Variants in ADCY10 observed in about 807,000 individuals in gnomAD.
ADCY10 encodes adenylate cyclase 10, also known as adenylate cyclase type 10.
A neutral mutation model predicts 183.3 loss-of-function variants in ADCY10; 156 were observed. The ratio of observed to expected loss-of-function variants is 0.85; its 90% CI spans 0.75 to 0.97. ADCY10 has a LOEUF of 0.97. Ranked by LOEUF, ADCY10 falls within the 50% of genes least tolerant of loss-of-function variation. The pLI, the probability that ADCY10 is intolerant of heterozygous loss-of-function variation, is 0.00. For synonymous variants in ADCY10, 645 were observed against 670.0 expected, an observed-to-expected ratio of 0.96 and a Z score of 0.58; for missense variants, 1,745 against 1,934.3, an observed-to-expected ratio of 0.90 and a Z score of 1.84.
At chr1:167,862,416 G>A (rs768528596) in intron 14 of ADCY10, among the ~76,000 whole-genome samples, 2 of 152,086 alleles carry the variant, frequency 1.3e-5, no homozygotes, top group African/African-American at 2.4e-5. Flanking sequence ...TTAGGGTGAC[G>A]CTTCTACAAG....
At chr1:167,894,171 G>A (rs1382552672) in intron 7 of ADCY10, among the ~76,000 whole-genome samples, 1 of 152,188 alleles carries the variant, frequency 6.6e-6, no homozygotes, top group African/African-American at 2.4e-5. Context: ...TCAAAACCTT[G>A]TTCAAACTGA....
intron 18 of ADCY10, among the ~76,000 whole-genome samples, chr1:167,852,726 GA>G (rs899711106): frequency 1.7e-4 from 24 of 141,640 alleles, no homozygotes; most frequent in Admixed American, 7.8e-4. Flanking sequence ...CATCCAGAAA[GA>G]AAAAAAAAAT....
chr1:167,891,512 C>T (rs190624786), intron 8 of ADCY10, among the ~76,000 whole-genome samples: 3,998 of 151,602 alleles, frequency 0.026, 160 homozygotes, highest in African/African-American at 0.092. Flanking sequence ...AAAACGTAGC[C>T]GGGCGTGGTG....
chr1:167,825,772 G>A (rs1663243966), intron 26 of ADCY10, among the ~76,000 whole-genome samples: 1 of 152,180 alleles, frequency 6.6e-6, no homozygotes, highest in Non-Finnish European at 1.5e-5. Flanking sequence ...CTGGGTGACT[G>A]AGTGAGACCC....
At chr1:167,896,473 C>A in intron 7 of ADCY10, 122 bp downstream of exon 7, 1 of 812,392 alleles carries the variant, frequency 1.2e-6, no homozygotes, top group Non-Finnish European at 2.2e-6. Context: ...CCTTTGTGTG[C>A]TGGTAAGGAC....
chr1:167,880,281 G>A, intron 10 of ADCY10, 90 bp from the exon 11 acceptor site: 1 of 1,174,904 alleles, frequency 8.5e-7, no homozygotes, highest in South Asian at 1.3e-5. Context: ...TGTCTGGGTT[G>A]GGAAAGGGTG....
rs755550703 is a variant in ADCY10 at position 167,883,557 on chromosome 1, C to T, written c.900G>A (p.Met300Ile). The change falls in exon 9 of 33, where the codon ATG becomes ATA. Residue 300 changes from methionine (M) to isoleucine (I), a missense_variant. Transcript: ENST00000367851. ...RPVTIVFVNL[M>I]FEDQDKAEEI... is the part of the protein sequence containing the mutation. ...CTTCTGCTTTGTCTTGGTCTTCAAACATCAGGTTCACAAACACAATCGTCA... is the reference window on the plus strand; with the variant it reads ...CTTCTGCTTTGTCTTGGTCTTCAAATATCAGGTTCACAAACACAATCGTCA... 6.2e-7 allele frequency: 1 copy of T among 1,614,244 alleles called. No individual in the cohort carries two copies. Among genetic ancestry groups the T allele is most frequent in the South Asian group, 1.1e-5 (1 of 91,090 alleles).
At position 167,838,961 on chromosome 1, in the gene ADCY10, C is replaced by A. The variant is rs1378016582; in HGVS notation, c.3008-1643G>T. ...TTACCCCCTTCCCTATTCAGTCCAT[C>A]AGAAAGTCCCGTTGACCATACCCAA... On this transcript the variant is annotated intron_variant, in intron 21 of 32. Coordinates refer to ENST00000367851, the MANE Select transcript of ADCY10 (RefSeq NM_018417.6). Among the ~76,000 whole-genome samples the A allele has an allele frequency of 3.9e-5, 6 of 152,324 alleles. No individual in the cohort carries two copies. In the East Asian group the frequency reaches 1.2e-3, roughly 29 times the overall value.
Position 167,899,619 on chromosome 1 carries a change from G to A in ADCY10, c.446C>T (p.Ala149Val). 3 of 1,613,796 alleles carry A rather than the reference G, an allele frequency of 1.9e-6. No homozygotes were observed. The highest frequency in any genetic ancestry group is 2.5e-6 in the Non-Finnish European group (3 of 1,180,010). ...AAAGACCAACATGCTGATGTGGCCA[G>A]CAGCCAGTCCTGGCAAGAAGGCAAG... ...LDIRVKIGLA[A>V]GHISMLVFGD... Residue 149 changes from alanine to valine, a missense_variant, in exon 6 of 33, where the codon GCT becomes GTT. Transcript: ENST00000367851.
At chr1:167,895,439 T>G (rs1258390285) in intron 7 of ADCY10, among the ~76,000 whole-genome samples, 1 of 152,124 alleles carries the variant, frequency 6.6e-6, no homozygotes, top group Non-Finnish European at 1.5e-5. Context: ...GTCTTCTATT[T>G]GTAACATCTA....
chr1:167,882,797 C>G (rs965912808), intron 9 of ADCY10, among the ~76,000 whole-genome samples: 1 of 152,172 alleles, frequency 6.6e-6, no homozygotes, highest in Admixed American at 6.5e-5. Flanking sequence ...CTCCCCCTTA[C>G]TAGCTTGATG....
chr1:167,883,236 C>G (rs1667991314), intron 9 of ADCY10, among the ~76,000 whole-genome samples: 1 of 152,210 alleles, frequency 6.6e-6, no homozygotes, highest in Admixed American at 6.5e-5. Context: ...CAGGGTTTCA[C>G]TATGTTGGCC....
intron 17 of ADCY10, among the ~76,000 whole-genome samples, chr1:167,855,524 A>T (rs1293746756): frequency 6.6e-6 from 1 of 152,164 alleles, no homozygotes; most frequent in Non-Finnish European, 1.5e-5. Context: ...AACGCTTACC[A>T]GTTTGCCTTT....
intron 12 of ADCY10, among the ~76,000 whole-genome samples, chr1:167,877,051 C>T (rs1200318492): frequency 1.3e-5 from 2 of 151,942 alleles, no homozygotes; most frequent in East Asian, 3.9e-4. Context: ...CAATTGAACC[C>T]CACATTTGTG....
intron 29 of ADCY10, among the ~76,000 whole-genome samples, 159 bp from the exon 30 acceptor site, chr1:167,822,300 A>T (rs1390839793): frequency 2.0e-5 from 3 of 152,148 alleles, no homozygotes; most frequent in African/African-American, 7.2e-5. Context: ...TCATGACTGG[A>T]TTGCCCTGTG....
At chr1:167,864,896 A>G (rs1433649322) in intron 14 of ADCY10, among the ~76,000 whole-genome samples, 1 of 57,780 alleles carries the variant, frequency 1.7e-5, no homozygotes, top group African/African-American at 9.7e-5. Context: ...TGCTAACAGG[A>G]AAAAAAAAAA....
rs1665863449 is a variant in ADCY10 at position 167,856,022 on chromosome 1, G to A, written c.2171+143C>T. 6 of 944,818 alleles carry A rather than the reference G, an allele frequency of 6.4e-6. 1 individual carries two copies. Among genetic ancestry groups the A allele is most frequent in the Middle Eastern group, 5.4e-4 (2 of 3,706 alleles). The allele number at this position is 944,818 out of a possible 1,614,324, so 58.5% of individuals were successfully genotyped here. A position where few individuals can be genotyped will look rare whatever the true frequency, so the allele number is the denominator to read the frequency against. The stretch of plus-strand genomic sequence containing the variant: ...TGTCTCAAAAGAAAACAGAAAAAAA[G>A]AAAAGAAAAATTTTTTAAAAGGTGG... On this transcript the variant is annotated intron_variant, in intron 17 of 32. Transcript: ENST00000367851.
intron 14 of ADCY10, among the ~76,000 whole-genome samples, chr1:167,862,987 A>T (rs1463395983): frequency 6.6e-6 from 1 of 152,200 alleles, no homozygotes; most frequent in Non-Finnish European, 1.5e-5. Flanking sequence ...AATAAACAAC[A>T]TGAGACAAGT....
At chr1:167,882,829 C>T (rs971969479) in intron 9 of ADCY10, among the ~76,000 whole-genome samples, 2 of 152,164 alleles carry the variant, frequency 1.3e-5, no homozygotes, top group East Asian at 1.9e-4. Flanking sequence ...AACGTAATCT[C>T]GCCTTGTCCT....
Sources: gnomAD v4.1 joint callset for allele counts (sites outside exome capture counted in the v4.1 genomes callset) on GRCh38, gnomAD v4.1.1 for gene constraint, MANE v1.5 for transcripts, NCBI Gene and HGNC (gene_info 2026-07-23, HGNC 2026-07-21) for gene names.